Variants in ACACA observed in about 807,000 individuals in gnomAD.
ACACA encodes the protein acetyl-CoA carboxylase 1.
A neutral mutation model predicts 296.1 loss-of-function variants in ACACA; 103 were observed. The ratio of observed to expected loss-of-function variants is 0.35; its 90% CI spans 0.30 to 0.41. ACACA has a LOEUF of 0.41. Ranked by LOEUF, ACACA falls within the 10% of genes least tolerant of loss-of-function variation. The pLI, the probability that ACACA is intolerant of heterozygous loss-of-function variation, is 1.00. For missense variants in ACACA, 1,554 were observed against 2,989.7 expected (o/e 0.52, Z 11.20); for synonymous variants, 953 against 1,038.6 (o/e 0.92, Z 1.58).
Position 37,097,083 on chromosome 17 carries a change from T to C in ACACA, c.6804A>G (p.Lys2268=), listed in dbSNP as rs758328961. 1 of 1,614,084 alleles carries C rather than the reference T, an allele frequency of 6.2e-7. No individual in the cohort carries two copies. Among genetic ancestry groups the C allele is most frequent in the Non-Finnish European group, 8.5e-7 (1 of 1,180,030 alleles). The part of the protein sequence containing the change: ...RLLLEDLVKK[K]IHNANPELTD... ...TCAGCTCAGGGTTGGCATTGTGGATTTTCTTCTTGACCAGGTCCTCCAGCA... is the reference window on the plus strand; with the variant it reads ...TCAGCTCAGGGTTGGCATTGTGGATCTTCTTCTTGACCAGGTCCTCCAGCA... Residue 2268 remains lysine (K), a synonymous_variant, in exon 54 of 56, where the codon AAA becomes AAG. Coordinates refer to ENST00000616317, the MANE Select transcript of ACACA (RefSeq NM_198834.3). The surrounding 1 kb of genome is among the most constrained non-coding windows in gnomAD (Gnocchi z 4.8).
chr17:37,205,175 T>C (rs2078439857), intron 33 of ACACA, among the ~76,000 whole-genome samples: 1 of 152,164 alleles, frequency 6.6e-6, no homozygotes, highest in Non-Finnish European at 1.5e-5. Context: ...AATGAAGGAA[T>C]GTCAAGGAAA....
chr17:37,116,178 A>G (rs1384338561), intron 50 of ACACA, among the ~76,000 whole-genome samples: 3 of 152,080 alleles, frequency 2.0e-5, no homozygotes, highest in African/African-American at 7.2e-5. Flanking sequence ...TTTTTTGTAG[A>G]GACGGGGTTT....
chr17:37,161,628 G>T, intron 42 of ACACA, 153 bp downstream of exon 42: 2 of 878,940 alleles, frequency 2.3e-6, no homozygotes, highest in Non-Finnish European at 3.4e-6. Flanking sequence ...TTAATATGGT[G>T]TCTTAAGGAA....
chr17:37,190,929 T>C (rs1189357944), intron 38 of ACACA, among the ~76,000 whole-genome samples, 191 bp downstream of exon 38: 11 of 152,218 alleles, frequency 7.2e-5, no homozygotes. Flanking sequence ...AACTGTTTTT[T>C]CAATGGCTAT....
intron 3 of ACACA, among the ~76,000 whole-genome samples, chr17:37,309,334 T>C (rs2084025390): frequency 1.3e-5 from 2 of 152,158 alleles, no homozygotes; most frequent in Admixed American, 6.6e-5. Flanking sequence ...CTTCAACAAG[T>C]ATTTATTGAG....
intron 41 of ACACA, among the ~76,000 whole-genome samples, chr17:37,171,161 A>T (rs528558764): frequency 2.0e-5 from 3 of 152,308 alleles, no homozygotes; most frequent in African/African-American, 7.2e-5. Flanking sequence ...TCATGCTAAA[A>T]TGATCTTGAG....
chr17:37,250,002 A>G (rs1340832525), intron 16 of ACACA, among the ~76,000 whole-genome samples: 1 of 152,204 alleles, frequency 6.6e-6, no homozygotes, highest in African/African-American at 2.4e-5. Flanking sequence ...CTTGGCTGCC[A>G]CCACGAAAGA....
At chr17:37,331,150 C>T (rs1366496061) in intron 2 of ACACA, among the ~76,000 whole-genome samples, 1 of 151,648 alleles carries the variant, frequency 6.6e-6, no homozygotes. Context: ...CGGAGTCTCG[C>T]TCTGTTGCCC....
chr17:37,279,924 A>AT (rs1342328215), intron 5 of ACACA, among the ~76,000 whole-genome samples: 2 of 152,294 alleles, frequency 1.3e-5, no homozygotes, highest in African/African-American at 4.8e-5. Context: ...AATAGCCTAT[A>AT]TAATTCATTT....
intron 1 of ACACA, among the ~76,000 whole-genome samples, chr17:37,401,798 A>C (rs2051302068): frequency 2.0e-5 from 3 of 152,088 alleles, no homozygotes; most frequent in Admixed American, 2.0e-4. Context: ...GAGCCCAAGC[A>C]ATCTTCCCAC....
chr17:37,299,856 G>C, intron 3 of ACACA: 1 of 951,880 alleles, frequency 1.1e-6, no homozygotes, highest in Non-Finnish European at 1.3e-6. Context: ...ATGAAATCCA[G>C]AGGGAGGAGC....
intron 42 of ACACA, among the ~76,000 whole-genome samples, chr17:37,157,923 C>T (rs2076316320): frequency 6.6e-6 from 1 of 152,110 alleles, no homozygotes; most frequent in Non-Finnish European, 1.5e-5. Flanking sequence ...TAGGAGGGTA[C>T]TGCAATATGC....
At chr17:37,112,505 A>G (rs1017050273) in intron 51 of ACACA, among the ~76,000 whole-genome samples, 4 of 152,220 alleles carry the variant, frequency 2.6e-5, no homozygotes, top group African/African-American at 9.6e-5. Flanking sequence ...TTGAAACCAG[A>G]CAGTCTGATT....
intron 1 of ACACA, among the ~76,000 whole-genome samples, chr17:37,375,086 C>T (rs910470259): frequency 2.6e-5 from 4 of 151,982 alleles, no homozygotes; most frequent in Non-Finnish European, 5.9e-5. Flanking sequence ...CCCAGCTATT[C>T]AGGAGACTGA....
chr17:37,163,770 A>G (rs1212866807), intron 41 of ACACA, among the ~76,000 whole-genome samples: 1 of 152,200 alleles, frequency 6.6e-6, no homozygotes, highest in Non-Finnish European at 1.5e-5. Context: ...GCTGCACTAT[A>G]TGTAAATCTC....
intron 41 of ACACA, among the ~76,000 whole-genome samples, chr17:37,173,984 A>ATT (rs1208649680): frequency 1.6e-3 from 14 of 8,710 alleles, no homozygotes; most frequent in Non-Finnish European, 2.4e-3. Flanking sequence ...TGGCTAATTT[A>ATT]TATATATATA....
At chr17:37,152,770 G>C (rs1194020094) in intron 43 of ACACA, among the ~76,000 whole-genome samples, 1 of 152,284 alleles carries the variant, frequency 6.6e-6, no homozygotes, top group South Asian at 2.1e-4. Context: ...TACCCAGAAG[G>C]CTTGGCAGTG....
intron 29 of ACACA, among the ~76,000 whole-genome samples, chr17:37,215,237 G>A (rs528046998): frequency 6.6e-6 from 1 of 152,140 alleles, no homozygotes; most frequent in African/African-American, 2.4e-5. Flanking sequence ...AGTGGAATCC[G>A]ACTTAACTAA....
At chr17:37,227,590 C>T (rs539860397) in intron 25 of ACACA, among the ~76,000 whole-genome samples, 8 of 151,946 alleles carry the variant, frequency 5.3e-5, no homozygotes, top group South Asian at 2.1e-4. Flanking sequence ...ATTTTTAGGC[C>T]GGGCGCTGTG....
Sources: allele counts gnomAD v4.1 joint callset (sites outside exome capture counted in the v4.1 genomes callset), GRCh38; gene constraint gnomAD v4.1.1; non-coding constraint Gnocchi (gnomAD v3.1); transcripts MANE v1.5; gene names NCBI Gene and HGNC (gene_info 2026-07-23, HGNC 2026-07-21).